PRR5L: variants seen among roughly 807,000 people sequenced by gnomAD.
PRR5L encodes the protein proline rich 5 like, also known as proline-rich protein 5-like.
Under a neutral mutation model 36.4 loss-of-function variants are expected in PRR5L, and 21 were observed. That is an observed-to-expected ratio of 0.58 (90% CI 0.41 to 0.83). PRR5L has a LOEUF of 0.83. PRR5L is among the 40% of genes least tolerant of loss of function. The probability of loss-of-function intolerance (pLI) is 0.00; values close to 1 mark genes in which losing one functional copy is unlikely to be tolerated. For synonymous variants in PRR5L, 188 were observed against 197.0 expected, an observed-to-expected ratio of 0.95 and a Z score of 0.38; for missense variants, 381 against 473.3, an observed-to-expected ratio of 0.80 and a Z score of 1.81.
At chr11:36,430,799 A>G (rs1858477226) in intron 4 of PRR5L, among the ~76,000 whole-genome samples, 1 of 152,202 alleles carries the variant, frequency 6.6e-6, no homozygotes, top group Non-Finnish European at 1.5e-5. Context: ...TAAATACAAA[A>G]TCGCACAGCT....
At position 36,351,784 on chromosome 11, in the gene PRR5L, T is replaced by TATA. The variant is rs61146122; in HGVS notation, c.-125-49213_-125-49212insATA. 1.3e-3 allele frequency among the ~76,000 whole-genome samples: 140 copies of TATA among 107,570 alleles called. 7 individuals carry two copies. Among genetic ancestry groups the TATA allele is most frequent in the Non-Finnish European group, 1.7e-3 (95 of 55,252 alleles). 70.6% of individuals were successfully genotyped at this position (107,570 alleles called of 152,430 possible). ...TTATATATTTATATATATTTATATA[T>TATA]TTTTTTTATATATACCACAATTTCT... On this transcript the variant is annotated intron_variant, in intron 1 of 8. Transcript: ENST00000530639.
chr11:36,411,559 C>T (rs1364471208), intron 3 of PRR5L, among the ~76,000 whole-genome samples: 3 of 152,138 alleles, frequency 2.0e-5, no homozygotes, highest in Non-Finnish European at 4.4e-5. Context: ...CTTCACATTA[C>T]CCTCAGCTCC....
At chr11:36,434,429 C>T (rs1040838192) in intron 5 of PRR5L, among the ~76,000 whole-genome samples, 1 of 152,194 alleles carries the variant, frequency 6.6e-6, no homozygotes, top group Non-Finnish European at 1.5e-5. Flanking sequence ...TCCTCTTTGT[C>T]GACATCTCCG....
chr11:36,392,100 A>G (rs968105269), intron 1 of PRR5L, among the ~76,000 whole-genome samples: 12 of 152,180 alleles, frequency 7.9e-5, no homozygotes, highest in Non-Finnish European at 1.6e-4. Flanking sequence ...ATTTCACTTA[A>G]CATAATGATA....
chr11:36,338,619 T>A (rs1402631675), intron 1 of PRR5L, among the ~76,000 whole-genome samples: 1 of 152,204 alleles, frequency 6.6e-6, no homozygotes, highest in Non-Finnish European at 1.5e-5. Context: ...TCCCCTTATG[T>A]AGGGAATATT....
intron 1 of PRR5L, among the ~76,000 whole-genome samples, chr11:36,331,484 A>G (rs1856718693): frequency 6.6e-6 from 1 of 152,238 alleles, no homozygotes; most frequent in African/African-American, 2.4e-5. Flanking sequence ...TAAAGATAAC[A>G]TAAAGCATAG....
intron 1 of PRR5L, among the ~76,000 whole-genome samples, chr11:36,343,945 G>A (rs188980398): frequency 2.0e-4 from 30 of 151,574 alleles, no homozygotes; most frequent in African/African-American, 6.5e-4. Context: ...GGTGGGGTGC[G>A]GTGGCTCACG....
intron 1 of PRR5L, among the ~76,000 whole-genome samples, chr11:36,361,483 ATATAACT>A (rs1857087047): frequency 6.6e-6 from 1 of 152,232 alleles, no homozygotes; most frequent in South Asian, 2.1e-4. Context: ...GTATCAACAG[ATATAACT>A]TATAAAAACA....
At chr11:36,328,612 C>A (rs1206198151) in intron 1 of PRR5L, among the ~76,000 whole-genome samples, 1 of 152,132 alleles carries the variant, frequency 6.6e-6, no homozygotes, top group African/African-American at 2.4e-5. Context: ...CCAATCAGAT[C>A]TTTTTTCTTT....
chr11:36,402,605 AG>A (rs1276608655), intron 2 of PRR5L, among the ~76,000 whole-genome samples: 1 of 152,218 alleles, frequency 6.6e-6, no homozygotes, highest in South Asian at 2.1e-4. Context: ...GGATGGAGAG[AG>A]GGGGCTCCAA....
At chr11:36,298,799 CT>C (rs1856342522) in intron 1 of PRR5L, among the ~76,000 whole-genome samples, 1 of 152,162 alleles carries the variant, frequency 6.6e-6, no homozygotes, top group African/African-American at 2.4e-5. Flanking sequence ...TTGTTTTCTC[CT>C]GAGGTCTCTG....
chr11:36,460,328 T>C (rs113542157), intron 8 of PRR5L, among the ~76,000 whole-genome samples: 3 of 152,292 alleles, frequency 2.0e-5, no homozygotes, highest in African/African-American at 7.2e-5. Context: ...TCAGACGCGA[T>C]GTGGCCAGGA....
At chr11:36,396,637 T>C (rs1857665620) in intron 1 of PRR5L, among the ~76,000 whole-genome samples, 1 of 152,222 alleles carries the variant, frequency 6.6e-6, no homozygotes, top group African/African-American at 2.4e-5. Context: ...TCTAAGTGCT[T>C]GACAAATATT....
chr11:36,315,571 G>T (rs1856546993), intron 1 of PRR5L, among the ~76,000 whole-genome samples: 1 of 152,174 alleles, frequency 6.6e-6, no homozygotes, highest in Non-Finnish European at 1.5e-5. Flanking sequence ...TAGCTTTGTA[G>T]TAATTTCCTT....
intron 1 of PRR5L, among the ~76,000 whole-genome samples, chr11:36,378,335 C>T (rs1477619310): frequency 1.3e-5 from 2 of 152,126 alleles, no homozygotes; most frequent in Non-Finnish European, 2.9e-5. Flanking sequence ...TGGTTGCAGC[C>T]CTAGAATCAG....
In PRR5L at chr11:36,408,685, T is replaced by C. The variant is rs998750548; in HGVS notation, c.245+5307T>C. ...GTCTGGGTTAGAGGTTTGGGTTTCA[T>C]GAGCCCTTCCAAGAACAAGAGCAGC... On this transcript the variant is annotated intron_variant, in intron 3 of 8. Transcript: ENST00000530639. 7.9e-5 allele frequency among the ~76,000 whole-genome samples: 12 copies of C among 152,170 alleles called. 1 individual carries two copies. The highest frequency in any genetic ancestry group is 4.6e-4 in the Admixed American group (7 of 15,280).
At chr11:36,349,396 T>C (rs1856904149) in intron 1 of PRR5L, among the ~76,000 whole-genome samples, 1 of 152,138 alleles carries the variant, frequency 6.6e-6, no homozygotes, top group South Asian at 2.1e-4. Flanking sequence ...TTCTGGCATC[T>C]GTTTACCAAA....
intron 6 of PRR5L, among the ~76,000 whole-genome samples, chr11:36,438,928 C>CATAAATAAATTTTTTTTTTG (rs1191803758): frequency 2.0e-5 from 3 of 152,152 alleles, no homozygotes; most frequent in Non-Finnish European, 4.4e-5. Context: ...GAGCAAAACC[C>CATAAATAAATTTTTTTTTTG]TGTCTCGAAA....
intron 1 of PRR5L, among the ~76,000 whole-genome samples, chr11:36,381,910 G>A (rs2133528737): frequency 6.6e-6 from 1 of 152,128 alleles, no homozygotes; most frequent in African/African-American, 2.4e-5. Context: ...TGTAATCCCA[G>A]CACTTTGGGA....
Sources: allele counts gnomAD v4.1 joint callset (sites outside exome capture counted in the v4.1 genomes callset), GRCh38; gene constraint gnomAD v4.1.1; transcripts MANE v1.5; gene names NCBI Gene and HGNC (gene_info 2026-07-23, HGNC 2026-07-21).